PAXBP1: variants seen among roughly 807,000 people sequenced by gnomAD.
The protein encoded by PAXBP1 is PAX3- and PAX7-binding protein 1.
In PAXBP1, 44 loss-of-function variants were observed where a neutral mutation model predicts 119.9. The observed-to-expected ratio is 0.37, with a 90% confidence interval of 0.29 to 0.47. The LOEUF is 0.47. PAXBP1 is among the 20% of genes least tolerant of loss of function. PAXBP1 has a pLI of 0.99. For missense variants in PAXBP1, 898 were observed against 1,134.1 expected, an observed-to-expected ratio of 0.79 and a Z score of 2.99; for synonymous variants, 393 against 406.6, an observed-to-expected ratio of 0.97 and a Z score of 0.40.
chr21:32,745,077 G>C (rs2043853122), intron 12 of PAXBP1, among the ~76,000 whole-genome samples, 164 bp from the exon 13 acceptor site: 1 of 152,160 alleles, frequency 6.6e-6, no homozygotes, highest in East Asian at 1.9e-4. Flanking sequence ...TGGAGGGATA[G>C]GGATGTGGAG....
At chr21:32,767,413 GGATGGAAGAGGTCAGA>G (rs2044259745) in intron 2 of PAXBP1, among the ~76,000 whole-genome samples, 1 of 152,162 alleles carries the variant, frequency 6.6e-6, no homozygotes, top group Admixed American at 6.5e-5. Context: ...GAGGATAGAA[GGATGGAAGAGGTCAGA>G]GATGGCTTCA....
At position 32,771,560 on chromosome 21, in the gene PAXBP1, CCGGCGGCGGCAACAA is replaced by C. The variant is rs764277847; in HGVS notation, c.94_108del (p.Leu32_Pro36del). 3 of 1,422,632 alleles carry C rather than the reference CCGGCGGCGGCAACAA, an allele frequency of 2.1e-6. No individual in the cohort carries two copies. Among genetic ancestry groups the C allele is most frequent in the South Asian group, 2.8e-5 (2 of 71,168 alleles). 88.1% of individuals were successfully genotyped at this position (1,422,632 alleles called of 1,614,324 possible). A position where few individuals can be genotyped will look rare whatever the true frequency, so the allele number is the denominator to read the frequency against. On this transcript the variant is annotated inframe_deletion, in exon 1 of 18. Transcript: ENST00000331923. Reference sequence around the variant, plus strand: ...CCGGGGCCCGCCTCTTCGCCCGTGCCCGGCGGCGGCAACAACGGCGGCGGCTCCTGCTCCTCATCG... The same window carrying C: ...CCGGGGCCCGCCTCTTCGCCCGTGCCCGGCGGCGGCTCCTGCTCCTCATCG...
chr21:32,741,522 A>T (rs750506877), intron 15 of PAXBP1: 2 of 778,450 alleles, frequency 2.6e-6, no homozygotes, highest in East Asian at 4.9e-5. Flanking sequence ...AGAGAAGACA[A>T]CACAAGGCCT....
chr21:32,759,709 C>T (rs1569164316), intron 6 of PAXBP1, 68 bp downstream of exon 6: 1 of 1,328,726 alleles, frequency 7.5e-7, no homozygotes, highest in Non-Finnish European at 1.1e-6. Context: ...TCTGCTACCC[C>T]AGACTACATG....
At chr21:32,759,744 C>A in intron 6 of PAXBP1, 33 bp downstream of exon 6, 2 of 1,548,074 alleles carry the variant, frequency 1.3e-6, no homozygotes, top group South Asian at 1.1e-5. Context: ...AGAAAGCTAG[C>A]GGACAGGTCT....
intron 8 of PAXBP1, among the ~76,000 whole-genome samples, chr21:32,753,425 CAAA>C (rs757858309): frequency 9.8e-4 from 89 of 90,966 alleles, no homozygotes; most frequent in African/African-American, 3.1e-3. Context: ...GACTCCGTCT[CAAA>C]AAAAAAAAAA....
At chr21:32,760,225 G>A (rs545717334) in intron 5 of PAXBP1, among the ~76,000 whole-genome samples, 4 of 152,092 alleles carry the variant, frequency 2.6e-5, no homozygotes, top group Admixed American at 6.6e-5. Context: ...AGAGTTCAGA[G>A]TTGGAAGAAA....
rs1449151585 is a variant in PAXBP1, at chr21:32,748,687, T to C, written c.1735A>G (p.Lys579Glu). 1.4e-5 allele frequency: 22 copies of C among 1,609,666 alleles called. No individual in the cohort carries two copies. Among genetic ancestry groups the C allele is most frequent in the Non-Finnish European group, 1.7e-5 (20 of 1,177,782 alleles). ...NFNLEKDRIS[K>E]ESGKVFEDVL... is the part of the protein sequence containing the mutation. ...TCTTCAAAAACTTTGCCGGATTCTTTTGAAATTCGATCTAAAAACAACAAA... is the reference window on the plus strand; with the variant it reads ...TCTTCAAAAACTTTGCCGGATTCTTCTGAAATTCGATCTAAAAACAACAAA... The change falls in exon 11 of 18, where the codon AAA becomes GAA. Residue 579 changes from lysine to glutamate, a missense_variant. Lys to Glu is a moderately conservative substitution (Grantham distance 56). This residue lies in a region of PAXBP1 where 599 missense variants were observed against 852.7 expected (regional missense o/e 0.70). Transcript: ENST00000331923.
chr21:32,758,131 G>A lies in PAXBP1; in HGVS notation c.1383+949C>T, dbSNP rs542478096. 1.4e-4 allele frequency among the ~76,000 whole-genome samples: 21 copies of A among 152,282 alleles called. No individual in the cohort carries two copies. In the South Asian group the frequency reaches 3.5e-3, roughly 26 times the overall value. The stretch of plus-strand genomic sequence containing the variant: ...AGATCCATCAGGAAGACATAGTCTG[G>A]CAATGATCTTTTCCCAGCCATTGGT... On this transcript the variant is annotated intron_variant, in intron 7 of 17. Coordinates refer to ENST00000331923, the MANE Select transcript of PAXBP1 (RefSeq NM_016631.4).
At position 32,750,921 on chromosome 21, in the gene PAXBP1, T is replaced by C; in HGVS notation, c.1719A>G (p.Glu573=). 1 of 1,607,870 alleles carries C rather than the reference T, an allele frequency of 6.2e-7. No individual in the cohort carries two copies. The highest frequency in any genetic ancestry group is 8.5e-7 in the Non-Finnish European group (1 of 1,176,318). The part of the protein sequence containing the change: ...TSTDITNFNL[E]KDRISKESGK... ...ATTTCCAAATAAATGTCTAACCTTT[T>C]TCCAGATTGAAATTAGTAATATCTG... Residue 573 remains glutamate, a synonymous_variant, in exon 10 of 18, where the codon GAA becomes GAG. Transcript: ENST00000331923.
chr21:32,760,896 TGC>T (rs1244934769), intron 5 of PAXBP1, among the ~76,000 whole-genome samples, 161 bp downstream of exon 5: 6 of 111,366 alleles, frequency 5.4e-5, no homozygotes, highest in East Asian at 2.9e-4. Flanking sequence ...TCTGTGTGCG[TGC>T]GTGCGTGTGT....
chr21:32,736,677 T>C (rs562321706), intron 17 of PAXBP1, among the ~76,000 whole-genome samples: 2 of 152,302 alleles, frequency 1.3e-5, no homozygotes, highest in South Asian at 2.1e-4. Context: ...ATTAAAATTT[T>C]AAAAAGACAA....
At chr21:32,760,091 C>A in intron 5 of PAXBP1, 97 bp from the exon 6 acceptor site, 1 of 898,336 alleles carries the variant, frequency 1.1e-6, no homozygotes, top group Non-Finnish European at 1.7e-6. Flanking sequence ...AAAAATTATA[C>A]CTATTTGCCA....
intron 2 of PAXBP1, among the ~76,000 whole-genome samples, chr21:32,767,344 C>T (rs573309849): frequency 1.3e-5 from 2 of 152,256 alleles, no homozygotes; most frequent in African/African-American, 4.8e-5. Flanking sequence ...TACAATCAGA[C>T]TCCGCCTTCA....
At chr21:32,751,672 T>G (rs1435301757) in intron 8 of PAXBP1, 1 of 153,480 alleles carries the variant, frequency 6.5e-6, no homozygotes, top group Admixed American at 6.5e-5. Flanking sequence ...TGCAAGAGTT[T>G]AATAAATTTA....
At chr21:32,756,018 T>C (rs2044037470) in intron 7 of PAXBP1, 1 of 209,988 alleles carries the variant, frequency 4.8e-6, no homozygotes, top group African/African-American at 2.4e-5. Flanking sequence ...GTTGTTCTCT[T>C]CCTGTCAAAT....
chr21:32,736,306 A>T (rs1034432161), intron 17 of PAXBP1, among the ~76,000 whole-genome samples: 3 of 152,122 alleles, frequency 2.0e-5, no homozygotes, highest in Admixed American at 6.5e-5. Flanking sequence ...CCCCTGCCTC[A>T]GCCTCCCGAG....
intron 1 of PAXBP1, among the ~76,000 whole-genome samples, chr21:32,770,613 T>C (rs1331433648): frequency 6.6e-6 from 1 of 152,214 alleles, no homozygotes; most frequent in Non-Finnish European, 1.5e-5. Context: ...CACATTCAAA[T>C]GGTCAGAAGA....
At chr21:32,766,487 C>T (rs1312778453) in intron 2 of PAXBP1, among the ~76,000 whole-genome samples, 3 of 152,288 alleles carry the variant, frequency 2.0e-5, no homozygotes, top group Middle Eastern at 3.4e-3. Context: ...GTCAGGCTCT[C>T]CCTCTCCTCT....
Sources: gnomAD v4.1 joint callset for allele counts (sites outside exome capture counted in the v4.1 genomes callset) on GRCh38, gnomAD v4.1.1 for gene constraint, gnomAD v4.1.1 regional missense constraint, MANE v1.5 for transcripts, NCBI Gene and HGNC (gene_info 2026-07-23, HGNC 2026-07-21) for gene names.